JAKMIP2: variants seen among roughly 807,000 people sequenced by gnomAD.
JAKMIP2 encodes the protein janus kinase and microtubule-interacting protein 2.
In JAKMIP2, 25 loss-of-function variants were observed where a neutral mutation model predicts 115.0. The observed-to-expected ratio is 0.22, with a 90% CI of 0.16 to 0.30. The LOEUF (loss-of-function observed/expected upper bound fraction) is 0.30. Among genes scored for constraint, JAKMIP2 ranks in the 10% least tolerant of loss-of-function variants. The pLI is 1.00. For synonymous variants in JAKMIP2, 334 were observed against 343.6 expected (o/e 0.97, Z 0.31); for missense variants, 642 against 957.6 (o/e 0.67, Z 4.35).
intron 19 of JAKMIP2, among the ~76,000 whole-genome samples, chr5:147,616,645 A>G (rs558894706): frequency 2.6e-5 from 4 of 152,212 alleles, no homozygotes; most frequent in Non-Finnish European, 5.9e-5. Flanking sequence ...AAAAGAATGC[A>G]TGAAGCAATG....
intron 1 of JAKMIP2, among the ~76,000 whole-genome samples, chr5:147,729,773 C>CAAGAAAAA (rs1753658351): frequency 1.2e-5 from 1 of 83,964 alleles, no homozygotes. Context: ...GACTCTGTCT[C>CAAGAAAAA]AAAAAAAAAA....
intron 16 of JAKMIP2, 151 bp from the exon 17 acceptor site, chr5:147,623,840 G>C (rs1581309437): frequency 3.8e-6 from 2 of 523,172 alleles, no homozygotes; most frequent in African/African-American, 2.0e-5. Context: ...TTGCTTGTTT[G>C]TTTGTTTTGT....
intron 2 of JAKMIP2, among the ~76,000 whole-genome samples, chr5:147,666,375 T>A (rs1271593233): frequency 6.6e-6 from 1 of 152,176 alleles, no homozygotes; most frequent in Non-Finnish European, 1.5e-5. Flanking sequence ...TACTTTGAAA[T>A]GAAGAAAATT....
intron 2 of JAKMIP2, among the ~76,000 whole-genome samples, chr5:147,662,404 G>A (rs12658834): frequency 0.25 from 38,173 of 151,952 alleles, 6,046 homozygotes; most frequent in East Asian, 0.46. Flanking sequence ...AGGAATTCCG[G>A]TTTAAAACTA....
At position 147,601,728 on chromosome 5, in the gene JAKMIP2, A is replaced by G. The variant is rs1276298549; in HGVS notation, c.*20+13T>C. ...TCTTAGAACCACATTTTGAGAATTAAATGGAATCTTACCTTTAAGAGGCAC... is the reference window on the plus strand; with the variant it reads ...TCTTAGAACCACATTTTGAGAATTAGATGGAATCTTACCTTTAAGAGGCAC... On this transcript the variant is annotated intron_variant, in intron 21 of 21. Transcript: ENST00000616793. 5.3e-6 allele frequency: 8 copies of G among 1,509,428 alleles called. No homozygotes were observed. Among genetic ancestry groups the G allele is most frequent in the Non-Finnish European group, 7.1e-6 (8 of 1,126,332 alleles). The allele number at this position is 1,509,428 out of a possible 1,614,324, so 93.5% of individuals were successfully genotyped here.
intron 1 of JAKMIP2, among the ~76,000 whole-genome samples, chr5:147,733,827 G>A (rs945901606): frequency 4.6e-5 from 7 of 152,154 alleles, no homozygotes; most frequent in Non-Finnish European, 8.8e-5. Context: ...GTATTCCATG[G>A]TGTATATGTG....
intron 10 of JAKMIP2, among the ~76,000 whole-genome samples, chr5:147,637,314 C>T (rs1195913918): frequency 6.6e-6 from 1 of 152,026 alleles, no homozygotes; most frequent in African/African-American, 2.4e-5. Context: ...AGAGCCAAAC[C>T]CTCACCTGCT....
intron 2 of JAKMIP2, among the ~76,000 whole-genome samples, chr5:147,670,146 A>G (rs1759507932): frequency 6.6e-6 from 1 of 152,250 alleles, no homozygotes; most frequent in African/African-American, 2.4e-5. Context: ...CACAAACTTT[A>G]CATTACAGTC....
chr5:147,618,954 A>G (rs1756718356), intron 18 of JAKMIP2, among the ~76,000 whole-genome samples: 1 of 152,210 alleles, frequency 6.6e-6, no homozygotes, highest in Non-Finnish European at 1.5e-5. Context: ...GAGAAATAAA[A>G]TCCAAAAAAT....
chr5:147,594,438 C>T (rs762598936), intron 21 of JAKMIP2: 4 of 455,378 alleles, frequency 8.8e-6, no homozygotes, highest in South Asian at 6.2e-5. Flanking sequence ...GGGCTTAAGC[C>T]ATCCTTGCAC....
rs866620199 is a variant in JAKMIP2 at position 147,782,421 on chromosome 5, A to G, written c.-149+35T>C. The G allele has an allele frequency of 3.9e-6, 6 of 1,534,736 alleles. No individual in the cohort carries two copies. The Middle Eastern group carries it at 8.4e-4, about 214-fold the overall frequency. On this transcript the variant is annotated intron_variant, in intron 1 of 21. Transcript: ENST00000616793. ...TACACAGGTCAAATAAGAACACTCT[A>G]AACCAAGAAGGGAGCCCTACTGTTT...
intron 1 of JAKMIP2, among the ~76,000 whole-genome samples, chr5:147,700,200 A>G (rs973359139): frequency 2.0e-5 from 3 of 152,242 alleles, no homozygotes; most frequent in Non-Finnish European, 4.4e-5. Context: ...GTCATAGAGT[A>G]CAAACTATAC....
rs1434402295 is a variant in JAKMIP2 at position 147,650,410 on chromosome 5, C to T, written c.765G>A (p.Glu255=). The T allele has an allele frequency of 1.2e-6, 2 of 1,613,802 alleles. No individual in the cohort carries two copies. Among genetic ancestry groups the T allele is most frequent in the African/African-American group, 1.3e-5 (1 of 74,890 alleles). ...CTCGTTTTGGGCTGCTCATGTTGCA[C>T]TCAGCCTCCTTGACCAGAAAGAGTT... ...DEQLFLVKEA[E]CNMSSPKREI... is the part of the protein sequence containing the mutation. The change falls in exon 4 of 22, where the codon GAG becomes GAA. Residue 255 remains glutamate (E), a synonymous_variant. Transcript: ENST00000616793.
chr5:147,632,043 T>A (rs977583691), intron 13 of JAKMIP2, among the ~76,000 whole-genome samples: 1 of 152,176 alleles, frequency 6.6e-6, no homozygotes, highest in Non-Finnish European at 1.5e-5. Flanking sequence ...TATATCAACA[T>A]ACACTGAACC....
At chr5:147,607,744 G>C (rs1449302039) in intron 20 of JAKMIP2, among the ~76,000 whole-genome samples, 1 of 152,164 alleles carries the variant, frequency 6.6e-6, no homozygotes, top group Non-Finnish European at 1.5e-5. Flanking sequence ...GTTTCAGAAT[G>C]AATGGTACCA....
At chr5:147,675,664 C>T (rs1759901843) in intron 1 of JAKMIP2, among the ~76,000 whole-genome samples, 1 of 152,104 alleles carries the variant, frequency 6.6e-6, no homozygotes, top group African/African-American at 2.4e-5. Flanking sequence ...ATTCACTATT[C>T]CCCACGCAGC....
intron 19 of JAKMIP2, among the ~76,000 whole-genome samples, chr5:147,615,248 C>T (rs1017133944): frequency 2.0e-5 from 3 of 152,072 alleles, no homozygotes; most frequent in Non-Finnish European, 4.4e-5. Flanking sequence ...GTATGTGGTT[C>T]ATTTTTAAAA....
intron 1 of JAKMIP2, among the ~76,000 whole-genome samples, chr5:147,702,294 G>A (rs925155981): frequency 2.7e-5 from 4 of 148,496 alleles, no homozygotes; most frequent in Non-Finnish European, 5.9e-5. Flanking sequence ...GGACTTTGAG[G>A]ACTAGGGGGA....
At chr5:147,698,437 A>C (rs1401106146) in intron 1 of JAKMIP2, among the ~76,000 whole-genome samples, 1 of 152,162 alleles carries the variant, frequency 6.6e-6, no homozygotes, top group African/African-American at 2.4e-5. Flanking sequence ...TTGAAATGTG[A>C]GGACACAAGA....
Sources: gnomAD v4.1 joint callset for allele counts (sites outside exome capture counted in the v4.1 genomes callset) on GRCh38, gnomAD v4.1.1 for gene constraint, MANE v1.5 for transcripts, NCBI Gene and HGNC (gene_info 2026-07-23, HGNC 2026-07-21) for gene names.